FGD4: variants seen among roughly 807,000 people sequenced by gnomAD.
FGD4 encodes the protein FYVE, RhoGEF and PH domain-containing protein 4.
FGD4 carries 42 observed loss-of-function variants against 102.0 expected under a neutral mutation model. That is an observed-to-expected ratio of 0.41 (90% CI 0.32 to 0.53). The LOEUF is 0.53. FGD4 is among the 20% of genes least tolerant of loss of function. The probability of loss-of-function intolerance (pLI) is 0.21; values close to 1 mark genes in which losing one functional copy is unlikely to be tolerated. For synonymous variants in FGD4, 380 were observed against 375.7 expected (o/e 1.01, Z -0.13); for missense variants, 902 against 1,078.2 (o/e 0.84, Z 2.29).
At chr12:32,485,388 C>A (rs1379831746) in intron 1 of FGD4, among the ~76,000 whole-genome samples, 1 of 149,850 alleles carries the variant, frequency 6.7e-6, no homozygotes, top group Non-Finnish European at 1.5e-5. Context: ...GTATTTCTTA[C>A]AATTTTCTGA....
Position 32,644,479 on chromosome 12 carries a change from GTTTAAC to G in FGD4, c.*3949_*3954del, listed in dbSNP as rs1951312081. 1 of 152,064 alleles carries G rather than the reference GTTTAAC, an allele frequency of 6.6e-6. No homozygotes were observed. Among genetic ancestry groups the G allele is most frequent in the Admixed American group, 6.6e-5 (1 of 15,246 alleles). 9.4% of individuals were successfully genotyped at this position (152,064 alleles called of 1,614,324 possible). On this transcript the variant is annotated 3_prime_UTR_variant, in exon 17 of 17. Coordinates refer to ENST00000534526, the MANE Select transcript of FGD4 (RefSeq NM_001370298.3). ...GAAATGAACTTTTTCTATCGAAATT[GTTTAAC>G]TTAAATATTTTAACATAAATTATTT... is the stretch of plus-strand genomic sequence containing the variant.
At chr12:32,518,204 G>C (rs960234113) in intron 1 of FGD4, among the ~76,000 whole-genome samples, 7 of 152,184 alleles carry the variant, frequency 4.6e-5, no homozygotes, top group African/African-American at 1.7e-4. Context: ...GTTCTATGAA[G>C]GGTGGTGTGC....
At chr12:32,476,760 G>A (rs574872023) in intron 1 of FGD4, among the ~76,000 whole-genome samples, 4 of 152,204 alleles carry the variant, frequency 2.6e-5, no homozygotes, top group South Asian at 4.1e-4. Flanking sequence ...GATTAAGCTC[G>A]CATTTGGCAT....
intron 1 of FGD4, among the ~76,000 whole-genome samples, chr12:32,404,250 T>C (rs1195840957): frequency 6.6e-6 from 1 of 152,072 alleles, no homozygotes; most frequent in Non-Finnish European, 1.5e-5. Flanking sequence ...ACTTTCTATG[T>C]AAGTACAGTT....
At chr12:32,432,392 G>T (rs1424717082) in intron 1 of FGD4, among the ~76,000 whole-genome samples, 1 of 151,460 alleles carries the variant, frequency 6.6e-6, no homozygotes, top group Non-Finnish European at 1.5e-5. Context: ...GAGGCGGGTG[G>T]ATCACTTGAG....
chr12:32,582,577 C>CT (rs1946704450), intron 4 of FGD4, 110 bp downstream of exon 4: 2 of 1,421,858 alleles, frequency 1.4e-6, no homozygotes, highest in Non-Finnish European at 9.6e-7. Flanking sequence ...ATCACCCACA[C>CT]TGGCAGTTAA....
chr12:32,625,632 T>C, intron 13 of FGD4, 22 bp from the exon 14 acceptor site: 1 of 1,612,628 alleles, frequency 6.2e-7, no homozygotes, highest in Non-Finnish European at 8.5e-7. Context: ...CTATTAAAAT[T>C]GAATCTTTCT....
Position 32,446,730 on chromosome 12 carries a change from G to A in FGD4, c.166+46771G>A, listed in dbSNP as rs150116350. Among the ~76,000 whole-genome samples, 426 of 152,296 alleles carry A rather than the reference G, an allele frequency of 2.8e-3. 2 individuals carry two copies. The highest frequency in any genetic ancestry group is 9.9e-3 in the African/African-American group (411 of 41,560). On this transcript the variant is annotated intron_variant, in intron 1 of 16. Transcript: ENST00000534526. Reference sequence around the variant, plus strand: ...CCTGAGCCCTATCAACAGCATGCGCGTGATTCTGAGGAGAAACAGGACACA... The same window carrying A: ...CCTGAGCCCTATCAACAGCATGCGCATGATTCTGAGGAGAAACAGGACACA...
chr12:32,522,454 G>A (rs1416155838), intron 1 of FGD4, among the ~76,000 whole-genome samples: 2 of 152,184 alleles, frequency 1.3e-5, no homozygotes, highest in African/African-American at 4.8e-5. Flanking sequence ...ATAATTAGAA[G>A]AAATTTGGAT....
At chr12:32,561,205 C>G (rs11052070) in intron 1 of FGD4, among the ~76,000 whole-genome samples, 22,916 of 150,426 alleles carry the variant, frequency 0.15, 2,048 homozygotes, top group African/African-American at 0.23. Flanking sequence ...TCCTGTCTCA[C>G]CCTCCTGAGT....
rs199546503 is a variant in FGD4 at position 32,624,983 on chromosome 12, A to G, written c.1961A>G (p.Gln654Arg). 55 of 1,613,226 alleles carry G rather than the reference A, an allele frequency of 3.4e-5. No homozygotes were observed. The Admixed American group carries it at 9.2e-4, about 27-fold the overall frequency. ...QDKEEWIKALQETIDAFHQRH... is the reference protein window; with the variant it reads ...QDKEEWIKALRETIDAFHQRH... ...ATTTTACTTATACTTTAGGCCCTTC[A>G]AGAAACCATCGATGCTTTTCATCAA... The change falls in exon 13 of 17, where the codon CAA becomes CGA. Residue 654 changes from glutamine (Q) to arginine (R), a missense_variant. Around this residue, in one of 2 missense-constraint regions of FGD4, gnomAD observed 459 missense variants for 619.0 expected, o/e 0.74. Transcript: ENST00000534526.
In FGD4 at chr12:32,592,170, CTTCCTGGG is replaced by C. The variant is rs1459560047; in HGVS notation, c.1012-6323_1012-6316del. ...TGATCTCGGCTCACTGTAGCCTCCG[CTTCCTGGG>C]TTCAAGCGATTCTCCTGCTTCAGCC... On this transcript the variant is annotated intron_variant, in intron 4 of 16. Coordinates refer to ENST00000534526, the MANE Select transcript of FGD4 (RefSeq NM_001370298.3). Among the ~76,000 whole-genome samples the C allele has an allele frequency of 5.9e-5, 9 of 151,866 alleles. No homozygotes were observed. In the South Asian group the frequency reaches 1.9e-3, roughly 32 times the overall value.
At chr12:32,457,666 G>A (rs1942982498) in intron 1 of FGD4, among the ~76,000 whole-genome samples, 1 of 152,182 alleles carries the variant, frequency 6.6e-6, no homozygotes, top group South Asian at 2.1e-4. Context: ...TTCTGTGGGT[G>A]TGTGTAAATG....
chr12:32,471,437 G>A (rs1041971497), intron 1 of FGD4, among the ~76,000 whole-genome samples: 6 of 152,126 alleles, frequency 3.9e-5, no homozygotes, highest in African/African-American at 1.2e-4. Context: ...AGACTTAGAC[G>A]CTATGTTTCC....
At chr12:32,510,729 C>G (rs1176320125) in intron 1 of FGD4, among the ~76,000 whole-genome samples, 1 of 152,120 alleles carries the variant, frequency 6.6e-6, no homozygotes, top group Non-Finnish European at 1.5e-5. Context: ...GAACTATTTT[C>G]CTATCACTGG....
chr12:32,480,684 A>G (rs1463388231), intron 1 of FGD4, among the ~76,000 whole-genome samples: 2 of 151,340 alleles, frequency 1.3e-5, no homozygotes, highest in African/African-American at 2.4e-5. Flanking sequence ...TATTTTTAGT[A>G]GAGACGGGGT....
chr12:32,473,412 G>A (rs534198674), intron 1 of FGD4, among the ~76,000 whole-genome samples: 4 of 152,136 alleles, frequency 2.6e-5, no homozygotes, highest in African/African-American at 9.6e-5. Context: ...AGCCCACTGG[G>A]GGGAAGGAAC....
intron 16 of FGD4, 83 bp from the exon 17 acceptor site, chr12:32,640,193 G>A: frequency 6.2e-7 from 1 of 1,605,238 alleles, no homozygotes; most frequent in East Asian, 2.2e-5. Context: ...ACAGTGGTAG[G>A]AAGAGAGGTT....
chr12:32,484,022 A>T (rs1012747050), intron 1 of FGD4, among the ~76,000 whole-genome samples: 1 of 152,146 alleles, frequency 6.6e-6, no homozygotes, highest in Non-Finnish European at 1.5e-5. Context: ...ATTATACTAG[A>T]TGATGGTGTG....
Sources: allele counts gnomAD v4.1 joint callset (sites outside exome capture counted in the v4.1 genomes callset), GRCh38; gene constraint gnomAD v4.1.1; regional missense constraint gnomAD v4.1.1; transcripts MANE v1.5; gene names NCBI Gene and HGNC (gene_info 2026-07-23, HGNC 2026-07-21).